SETD4: variants seen among roughly 807,000 people sequenced by gnomAD.
SETD4 encodes SET domain-containing protein 4.
In SETD4, 46 loss-of-function variants were observed where a neutral mutation model predicts 58.3. The ratio of observed to expected loss-of-function variants is 0.79; its 90% confidence interval spans 0.62 to 1.01. The LOEUF is 1.01. Among genes scored for constraint, SETD4 ranks in the 50% least tolerant of loss-of-function variants. The probability of loss-of-function intolerance (pLI) is 0.00; values close to 1 mark genes in which losing one functional copy is unlikely to be tolerated. For synonymous variants in SETD4, 190 were observed against 202.6 expected, an observed-to-expected ratio of 0.94 and a Z score of 0.53; for missense variants, 490 against 523.3, an observed-to-expected ratio of 0.94 and a Z score of 0.62.
Position 36,058,920 on chromosome 21 carries a change from C to G in SETD4, c.-32G>C. ...ACTGTAGTTTCTTTTTTCTGAAATA[C>G]AGTTCTATTTTTTCAAAAAGGACAA... On this transcript the variant is annotated 5_prime_UTR_variant, in exon 2 of 12. Coordinates refer to ENST00000332131, the MANE Select transcript of SETD4 (RefSeq NM_017438.5). The G allele has an allele frequency of 6.4e-7, 1 of 1,561,130 alleles. No individual in the cohort carries two copies. The highest frequency in any genetic ancestry group is 8.6e-7 in the Non-Finnish European group (1 of 1,158,580).
In SETD4 at chr21:36,035,427, T is replaced by C. The variant is rs761558007; in HGVS notation, c.*566A>G. The C allele has an allele frequency of 2.8e-4, 42 of 152,636 alleles. No homozygotes were observed. The highest frequency in any genetic ancestry group is 4.8e-4 in the Non-Finnish European group (33 of 68,344). 9.5% of individuals were successfully genotyped at this position (152,636 alleles called of 1,614,324 possible). A position where few individuals can be genotyped will look rare whatever the true frequency, so the allele number is the denominator to read the frequency against. On this transcript the variant is annotated 3_prime_UTR_variant, in exon 12 of 12. Transcript: ENST00000332131. ...AAAGAGCCGCTGGCTGAGCTAGTCATTCTTCCCAAGTGAATAATTAGACAA... is the reference window on the plus strand; with the variant it reads ...AAAGAGCCGCTGGCTGAGCTAGTCACTCTTCCCAAGTGAATAATTAGACAA...
rs2063730008 is a variant in SETD4, at chr21:36,034,830, A to T, written c.*1163T>A. The T allele has an allele frequency of 6.6e-6, 1 of 152,118 alleles. No individual in the cohort carries two copies. Among genetic ancestry groups the T allele is most frequent in the Admixed American group, 6.6e-5 (1 of 15,256 alleles). 9.4% of individuals were successfully genotyped at this position (152,118 alleles called of 1,614,324 possible). ...TCGGGCCCTCCACAGAAGTCTGCCC[A>T]CTCTCCATACAGCATATGATGAAAT... On this transcript the variant is annotated 3_prime_UTR_variant, in exon 12 of 12. Coordinates refer to ENST00000332131, the MANE Select transcript of SETD4 (RefSeq NM_017438.5).
At chr21:36,053,874 T>C (rs559848688) in intron 3 of SETD4, among the ~76,000 whole-genome samples, 1 of 152,240 alleles carries the variant, frequency 6.6e-6, no homozygotes, top group Non-Finnish European at 1.5e-5. Context: ...GTGGACTTTA[T>C]ACAGACCTAC....
intron 6 of SETD4, 29 bp downstream of exon 6, chr21:36,045,553 G>A: frequency 6.2e-7 from 1 of 1,603,830 alleles, no homozygotes; most frequent in Non-Finnish European, 8.5e-7. Context: ...TATCCAAATA[G>A]AATAGCTGCT....
intron 4 of SETD4, 42 bp from the exon 5 acceptor site, chr21:36,048,438 G>T: frequency 1.3e-6 from 2 of 1,568,392 alleles, no homozygotes; most frequent in Non-Finnish European, 1.8e-6. Flanking sequence ...CTATGCTTTG[G>T]GAAGGACCCA....
chr21:36,040,574 C>A lies in SETD4; in HGVS notation c.1064+1G>T, dbSNP rs749925440. 4 of 1,612,964 alleles carry A rather than the reference C, an allele frequency of 2.5e-6. No homozygotes were observed. Among genetic ancestry groups the A allele is most frequent in the South Asian group, 1.1e-5 (1 of 91,042 alleles). ...TTAAGACCAACACATGTGAAACTTA[C>A]AATTTCTCAGCTTCCAGACATAACA... On this transcript the variant is annotated splice_donor_variant, in intron 9 of 11. Transcript: ENST00000332131. LOFTEE classifies it high-confidence loss of function.
intron 3 of SETD4, among the ~76,000 whole-genome samples, chr21:36,055,647 A>C (rs1017440813): frequency 1.3e-5 from 2 of 152,190 alleles, no homozygotes; most frequent in African/African-American, 2.4e-5. Context: ...TAAGAGCTAA[A>C]AACTACATGA....
In SETD4 at chr21:36,043,868, T is replaced by C. The variant is rs1383127858; in HGVS notation, c.815A>G (p.Tyr272Cys). 1 of 1,614,102 alleles carries C rather than the reference T, an allele frequency of 6.2e-7. No homozygotes were observed. The highest frequency in any genetic ancestry group is 1.3e-5 in the African/African-American group (1 of 74,934). The change falls in exon 7 of 12, where the codon TAC becomes TGC. Residue 272 changes from tyrosine to cysteine, a missense_variant. Transcript: ENST00000332131. ...CAGCCGTTGATTATCGTGAGGGCCGTAACAGATGAATACCTCTTCATGCTT... is the reference window on the plus strand; with the variant it reads ...CAGCCGTTGATTATCGTGAGGGCCGCAACAGATGAATACCTCTTCATGCTT... ...WRKHEEVFIC[Y>C]GPHDNQRLFL...
chr21:36,041,982 C>A, intron 7 of SETD4, 94 bp from the exon 8 acceptor site: 1 of 634,706 alleles, frequency 1.6e-6, no homozygotes, highest in South Asian at 1.9e-5. Flanking sequence ...TTCCCTTTAG[C>A]AACCCAGACA....
At chr21:36,042,026 A>C (rs2064089688) in intron 7 of SETD4, 138 bp from the exon 8 acceptor site, 1 of 533,022 alleles carries the variant, frequency 1.9e-6, no homozygotes, top group Non-Finnish European at 3.3e-6. Context: ...CACACAAAGG[A>C]AATCTACTCT....
chr21:36,048,901 G>A (rs2064491043), intron 4 of SETD4, among the ~76,000 whole-genome samples: 1 of 151,992 alleles, frequency 6.6e-6, no homozygotes, highest in Non-Finnish European at 1.5e-5. Flanking sequence ...TGTATTTTTA[G>A]TAGAGACAGG....
At chr21:36,050,495 C>A (rs1317147105) in intron 4 of SETD4, 1 of 1,613,574 alleles carries the variant, frequency 6.2e-7, no homozygotes, top group Non-Finnish European at 8.5e-7. Flanking sequence ...CTGTTTTGCG[C>A]CATCTAGAGA....
At chr21:36,051,340 A>T in intron 4 of SETD4, 1 of 1,568,380 alleles carries the variant, frequency 6.4e-7, no homozygotes, top group South Asian at 1.1e-5. Flanking sequence ...AACATGAACC[A>T]GCTGCTAGCC....
rs201937761 is a variant in SETD4 at position 36,043,806 on chromosome 21, G to T, written c.877C>A (p.His293Asn). 2 of 1,614,080 alleles carry T rather than the reference G, an allele frequency of 1.2e-6. No homozygotes were observed. The highest frequency in any genetic ancestry group is 1.7e-5 in the Admixed American group (1 of 60,010). The change falls in exon 7 of 12, where the codon CAT becomes AAT. Residue 293 changes from histidine to asparagine, a missense_variant. Coordinates refer to ENST00000332131, the MANE Select transcript of SETD4 (RefSeq NM_017438.5). ...EYGFVSVHNP[H>N]ACVYVSREIL... ...CCTCTTGAGACATAAACACAAGCAT[G>T]AGGATTATGGACAGAAACAAATCCG...
intron 4 of SETD4, among the ~76,000 whole-genome samples, chr21:36,051,630 A>C (rs1208098108): frequency 6.6e-6 from 1 of 152,170 alleles, no homozygotes; most frequent in Non-Finnish European, 1.5e-5. Flanking sequence ...TACCCTTTTA[A>C]ATTGCTAAAA....
At chr21:36,052,629 G>A (rs958031132) in intron 4 of SETD4, among the ~76,000 whole-genome samples, 1 of 149,412 alleles carries the variant, frequency 6.7e-6, no homozygotes, top group Non-Finnish European at 1.5e-5. Context: ...CTAAACATAT[G>A]TACACATCTG....
Position 36,051,983 on chromosome 21 carries a change from G to T in SETD4, c.207+1600C>A, listed in dbSNP as rs372377185. On this transcript the variant is annotated intron_variant, in intron 4 of 11. Transcript: ENST00000332131. The stretch of plus-strand genomic sequence containing the variant: ...TCAAAGTGAATATAACCCAATAAAG[G>T]CTTCTTAATGACAAAAAAAAAAGTT... Among the ~76,000 whole-genome samples the T allele has an allele frequency of 3.3e-4, 50 of 151,516 alleles. No individual in the cohort carries two copies. The East Asian group carries it at 8.3e-3, about 25-fold the overall frequency.
chr21:36,059,026 G>A, intron 1 of SETD4, 102 bp from the exon 2 acceptor site: 10 of 1,308,164 alleles, frequency 7.6e-6, no homozygotes, highest in Non-Finnish European at 1.0e-5. Flanking sequence ...GATAATCACT[G>A]TTCTTTGTAC....
intron 8 of SETD4, 152 bp downstream of exon 8, chr21:36,041,655 C>A: frequency 1.7e-6 from 1 of 572,744 alleles, no homozygotes. Flanking sequence ...CAACATCAAG[C>A]GCAGTTTTAC....
Sources: allele counts gnomAD v4.1 joint callset (sites outside exome capture counted in the v4.1 genomes callset), GRCh38; gene constraint gnomAD v4.1.1; transcripts MANE v1.5; gene names NCBI Gene and HGNC (gene_info 2026-07-23, HGNC 2026-07-21).